The following PSMA1 variants were observed in gnomAD, a reference collection of about 807,000 sequenced individuals.
PSMA1 encodes the protein proteasome subunit alpha type-1.
In PSMA1, 3 loss-of-function variants were observed where a neutral mutation model predicts 38.4. The observed-to-expected ratio is 0.08, with a 90% CI of 0.04 to 0.20. The LOEUF (loss-of-function observed/expected upper bound fraction) is 0.20, where lower values mean the gene tolerates loss of function less well. Among genes scored for constraint, PSMA1 ranks in the 10% least tolerant of loss-of-function variants. The pLI, the probability that PSMA1 is intolerant of heterozygous loss-of-function variation, is 1.00. For synonymous variants in PSMA1, 101 were observed against 107.1 expected (o/e 0.94, Z 0.35); for missense variants, 227 against 325.3 (o/e 0.70, Z 2.32).
intron 2 of PSMA1, among the ~76,000 whole-genome samples, chr11:14,589,102 C>T (rs1249550225): frequency 6.6e-6 from 1 of 152,162 alleles, no homozygotes; most frequent in African/African-American, 2.4e-5. Flanking sequence ...TTCTCTTCTC[C>T]TAGATTTCTG....
At chr11:14,596,956 G>A (rs996729590) in intron 2 of PSMA1, among the ~76,000 whole-genome samples, 6 of 152,130 alleles carry the variant, frequency 3.9e-5, no homozygotes, top group Non-Finnish European at 2.9e-5. Context: ...TAGCATGAAG[G>A]GCTGTTGAAT....
intron 2 of PSMA1, among the ~76,000 whole-genome samples, chr11:14,571,154 C>T (rs918293687): frequency 6.6e-6 from 1 of 152,188 alleles, no homozygotes; most frequent in African/African-American, 2.4e-5. Flanking sequence ...GCTCCACCTC[C>T]CAGGTTCTCG....
intron 2 of PSMA1, among the ~76,000 whole-genome samples, chr11:14,587,015 C>T (rs1010517822): frequency 6.6e-6 from 1 of 152,188 alleles, no homozygotes; most frequent in Admixed American, 6.5e-5. Flanking sequence ...CTGCCTCGGC[C>T]TCTCAATCTC....
At position 14,581,525 on chromosome 11, in the gene PSMA1, T is replaced by A. The variant is rs374545460; in HGVS notation, c.21+29441A>T. ...TGAGTAAAACCCTTAATAAGAGTGA[T>A]CAGTAAGTGTTATCTATGTTATAAC... On this transcript the variant is annotated intron_variant, in intron 2 of 10. Coordinates refer to the PSMA1 transcript ENST00000418988. Among the ~76,000 whole-genome samples the A allele has an allele frequency of 7.2e-5, 11 of 152,232 alleles. No individual in the cohort carries two copies. In the East Asian group the frequency reaches 1.7e-3, roughly 24 times the overall value.
At chr11:14,583,996 T>C (rs1365611040) in intron 2 of PSMA1, among the ~76,000 whole-genome samples, 1 of 152,204 alleles carries the variant, frequency 6.6e-6, no homozygotes, top group African/African-American at 2.4e-5. Context: ...GCAGAGCCAA[T>C]TACAGTGTCA....
At chr11:14,528,333 C>T (rs1188044045) in intron 2 of PSMA1, among the ~76,000 whole-genome samples, 4 of 152,170 alleles carry the variant, frequency 2.6e-5, no homozygotes, top group East Asian at 1.9e-4. Context: ...TTCTTTTATT[C>T]GGACCTTGTG....
intron 2 of PSMA1, among the ~76,000 whole-genome samples, chr11:14,554,753 C>A (rs56179529): frequency 0.082 from 12,411 of 152,018 alleles, 526 homozygotes; most frequent in East Asian, 0.13. Context: ...ATTTTTTAAA[C>A]GGATTTTTTT....
intron 2 of PSMA1, among the ~76,000 whole-genome samples, chr11:14,610,260 C>G (rs543020646): frequency 3.4e-4 from 52 of 152,280 alleles, no homozygotes; most frequent in African/African-American, 1.2e-3. Context: ...TCCTTTATAA[C>G]ATATTCAAAT....
At chr11:14,593,250 T>G (rs1852443703) in intron 2 of PSMA1, among the ~76,000 whole-genome samples, 1 of 152,236 alleles carries the variant, frequency 6.6e-6, no homozygotes, top group South Asian at 2.1e-4. Flanking sequence ...ATTCCAGGAC[T>G]CATTCTGAGT....
intron 2 of PSMA1, among the ~76,000 whole-genome samples, chr11:14,543,337 A>G (rs1851792859): frequency 6.6e-6 from 1 of 152,202 alleles, no homozygotes; most frequent in Admixed American, 6.5e-5. Flanking sequence ...GTTTCTTAAG[A>G]AAACAGGAGT....
At chr11:14,634,245 A>T (rs543675839) in intron 1 of PSMA1, among the ~76,000 whole-genome samples, 1 of 152,278 alleles carries the variant, frequency 6.6e-6, no homozygotes, top group East Asian at 1.9e-4. Flanking sequence ...GGTGCCAAAA[A>T]GGTTGGGACT....
At chr11:14,614,993 T>C (rs959315936) in intron 1 of PSMA1, among the ~76,000 whole-genome samples, 1 of 152,204 alleles carries the variant, frequency 6.6e-6, no homozygotes, top group African/African-American at 2.4e-5. Flanking sequence ...TTAAGAGCCT[T>C]TATAATCTGA....
chr11:14,512,373 T>G (rs944322908), intron 7 of PSMA1, among the ~76,000 whole-genome samples: 5 of 149,458 alleles, frequency 3.3e-5, no homozygotes, highest in Admixed American at 2.7e-4. Context: ...AAACCCCGTC[T>G]CAGGAAAAAA....
chr11:14,561,800 TAAACTAAATTAAAC>T (rs1320978245), intron 2 of PSMA1, among the ~76,000 whole-genome samples: 6 of 135,382 alleles, frequency 4.4e-5, no homozygotes, highest in African/African-American at 1.6e-4. Context: ...TAAACTAAAC[TAAACTAAATTAAAC>T]TAAACTAAAC....
At chr11:14,577,942 T>C (rs1852238282) in intron 2 of PSMA1, among the ~76,000 whole-genome samples, 1 of 152,216 alleles carries the variant, frequency 6.6e-6, no homozygotes, top group South Asian at 2.1e-4. Flanking sequence ...TAACATGATT[T>C]GCATATTCAC....
At chr11:14,635,018 T>C (rs1424560583) in intron 1 of PSMA1, among the ~76,000 whole-genome samples, 1 of 152,216 alleles carries the variant, frequency 6.6e-6, no homozygotes, top group Non-Finnish European at 1.5e-5. Flanking sequence ...AAATGTCTGG[T>C]CTATTTTATA....
At chr11:14,574,260 G>A (rs1852185663) in intron 2 of PSMA1, among the ~76,000 whole-genome samples, 1 of 152,140 alleles carries the variant, frequency 6.6e-6, no homozygotes, top group African/African-American at 2.4e-5. Context: ...CTTATCACAG[G>A]TCCAGAGGCC....
chr11:14,546,330 A>C (rs1469183657), intron 2 of PSMA1, among the ~76,000 whole-genome samples: 1 of 151,906 alleles, frequency 6.6e-6, no homozygotes, highest in Non-Finnish European at 1.5e-5. Context: ...CCCCAACAAC[A>C]CCAGCACCCA....
chr11:14,520,210 C>T (rs1851505314), intron 1 of PSMA1, 87 bp downstream of exon 1: 2 of 1,593,216 alleles, frequency 1.3e-6, no homozygotes, highest in Admixed American at 1.7e-5. Context: ...CACCGGGCGA[C>T]GCTAAGGATG....
Sources: allele counts gnomAD v4.1 joint callset (sites outside exome capture counted in the v4.1 genomes callset), GRCh38; gene constraint gnomAD v4.1.1; transcripts MANE v1.5; gene names NCBI Gene and HGNC (gene_info 2026-07-23, HGNC 2026-07-21).